RGL1: variants seen among roughly 807,000 people sequenced by gnomAD.
RGL1 encodes ral guanine nucleotide dissociation stimulator-like 1.
RGL1 carries 24 observed loss-of-function variants against 95.2 expected under a neutral mutation model. The observed-to-expected ratio is 0.25, with a 90% CI of 0.18 to 0.35. RGL1 has a LOEUF of 0.35. RGL1 is among the 10% of genes least tolerant of loss of function. The pLI, the probability that RGL1 is intolerant of heterozygous loss-of-function variation, is 1.00. For missense variants in RGL1, 715 were observed against 936.3 expected, an observed-to-expected ratio of 0.76 and a Z score of 3.08; for synonymous variants, 329 against 344.9, an observed-to-expected ratio of 0.95 and a Z score of 0.51.
chr1:183,807,280 C>A (rs1038503055), intron 2 of RGL1, among the ~76,000 whole-genome samples: 3 of 151,916 alleles, frequency 2.0e-5, no homozygotes, highest in Admixed American at 2.0e-4. Flanking sequence ...GTTCTCAGAC[C>A]AGGCGGTGAG....
At chr1:183,684,782 G>T (rs1392963171) in intron 1 of RGL1, among the ~76,000 whole-genome samples, 2 of 152,176 alleles carry the variant, frequency 1.3e-5, no homozygotes, top group Non-Finnish European at 2.9e-5. Flanking sequence ...GTAGTGTCTG[G>T]GCCAGAGTGC....
intron 1 of RGL1, chr1:183,652,922 G>A (rs997614200): frequency 6.6e-5 from 10 of 152,186 alleles, no homozygotes; most frequent in Non-Finnish European, 1.3e-4. Context: ...ACACCATAAG[G>A]ACAATCTGCT....
Position 183,922,317 on chromosome 1 carries a change from G to C in RGL1, c.2100G>C (p.Gln700His). The C allele has an allele frequency of 6.2e-7, 1 of 1,613,822 alleles. No individual in the cohort carries two copies. The highest frequency in any genetic ancestry group is 1.3e-5 in the African/African-American group (1 of 75,030). ...CCGCCGAGGAGTACGAGCTGGTGCA[G>C]GTCATCTCGGAGGACAAAGGTGGGC... ...SDPAEEYELV[Q>H]VISEDKELVI... Residue 700 changes from glutamine (Q) to histidine (H), a missense_variant, in exon 17 of 18, where the codon CAG becomes CAC. By Grantham distance (24) the Gln-to-His change is conservative. This residue lies in a region of RGL1 where 330 missense variants were observed against 429.6 expected (regional missense o/e 0.77). Coordinates refer to ENST00000360851, the MANE Select transcript of RGL1 (RefSeq NM_001297671.3).
At chr1:183,867,762 C>A (rs773769173) in intron 4 of RGL1, among the ~76,000 whole-genome samples, 1 of 151,860 alleles carries the variant, frequency 6.6e-6, no homozygotes, top group African/African-American at 2.4e-5. Flanking sequence ...GGAATGTGCA[C>A]CTGGGTGCCT....
intron 1 of RGL1, among the ~76,000 whole-genome samples, chr1:183,681,748 T>G (rs1022567737): frequency 6.6e-6 from 1 of 152,224 alleles, no homozygotes; most frequent in African/African-American, 2.4e-5. Context: ...TCAGACAGAA[T>G]GATACCACCT....
In RGL1 at chr1:183,857,330, T is replaced by G. The variant is rs183105292; in HGVS notation, c.348-8666T>G. ...AAGGAACATAGCCCTGACAACACCT[T>G]GATTTTAACCCATTGAGACCCTTGT... On this transcript the variant is annotated intron_variant, in intron 3 of 17. Coordinates refer to ENST00000360851, the MANE Select transcript of RGL1 (RefSeq NM_001297671.3). 5.3e-5 allele frequency among the ~76,000 whole-genome samples: 8 copies of G among 152,350 alleles called. No individual in the cohort carries two copies. In the East Asian group the frequency reaches 1.2e-3, roughly 22 times the overall value.
intron 2 of RGL1, among the ~76,000 whole-genome samples, chr1:183,835,973 G>A (rs145673301): frequency 6.6e-6 from 1 of 152,112 alleles, no homozygotes; most frequent in Non-Finnish European, 1.5e-5. Flanking sequence ...TGAAAGACAG[G>A]GCTGGTTTTA....
chr1:183,829,025 T>C (rs993877877), intron 2 of RGL1, among the ~76,000 whole-genome samples: 2 of 152,232 alleles, frequency 1.3e-5, no homozygotes, highest in African/African-American at 4.8e-5. Context: ...ACCATGGTTC[T>C]TAATCATCAA....
At chr1:183,911,355 G>A (rs1417516979) in intron 14 of RGL1, among the ~76,000 whole-genome samples, 3 of 152,108 alleles carry the variant, frequency 2.0e-5, no homozygotes, top group African/African-American at 4.8e-5. Context: ...TTTTAGTAAG[G>A]GTATAGCCCT....
chr1:183,730,854 A>G (rs900277396), intron 1 of RGL1, among the ~76,000 whole-genome samples: 5 of 152,142 alleles, frequency 3.3e-5, no homozygotes, highest in Non-Finnish European at 5.9e-5. Flanking sequence ...TAATTTCACT[A>G]TACTTCATCC....
chr1:183,889,132 A>G (rs572423177), intron 8 of RGL1, among the ~76,000 whole-genome samples: 92 of 152,272 alleles, frequency 6.0e-4, no homozygotes, highest in African/African-American at 2.1e-3. Context: ...TCTTGGTGCA[A>G]CCGTTGGAAT....
chr1:183,720,499 T>TG (rs756555478), intron 1 of RGL1, among the ~76,000 whole-genome samples: 9 of 152,238 alleles, frequency 5.9e-5, no homozygotes, highest in Non-Finnish European at 1.2e-4. Context: ...GCTGCCAATG[T>TG]GCAAAGACCT....
chr1:183,791,351 T>A (rs528416270), intron 2 of RGL1, among the ~76,000 whole-genome samples: 1 of 152,368 alleles, frequency 6.6e-6, no homozygotes, highest in East Asian at 1.9e-4. Context: ...TTTTGGTGTG[T>A]CTCTGTGTGA....
At chr1:183,831,189 G>T (rs1398605724) in intron 2 of RGL1, among the ~76,000 whole-genome samples, 1 of 152,174 alleles carries the variant, frequency 6.6e-6, no homozygotes, top group Non-Finnish European at 1.5e-5. Flanking sequence ...GCTCTAGGGG[G>T]TTTATCTGAG....
intron 9 of RGL1, among the ~76,000 whole-genome samples, chr1:183,892,502 A>G: frequency 6.6e-6 from 1 of 152,190 alleles, no homozygotes; most frequent in Non-Finnish European, 1.5e-5. Context: ...ATTCCTTCTC[A>G]GCAAAACATC....
At chr1:183,695,879 A>G (rs1020973389) in intron 1 of RGL1, among the ~76,000 whole-genome samples, 1 of 152,078 alleles carries the variant, frequency 6.6e-6, no homozygotes, top group Non-Finnish European at 1.5e-5. Context: ...GTTGTCCCCC[A>G]CTGAAAAAAA....
chr1:183,912,184 C>T lies in RGL1; in HGVS notation c.1665C>T (p.Ser555=), dbSNP rs200231274. The change falls in exon 15 of 18, where the codon AGC becomes AGT. Residue 555 remains serine (S), a synonymous_variant. Coordinates refer to ENST00000360851, the MANE Select transcript of RGL1 (RefSeq NM_001297671.3). ...CTGGTGAAAGCATGGACTCTGTCAG[C>T]GTGTCATCCTGCGAGTCGAACCACT... is the stretch of plus-strand genomic sequence containing the variant. ...GSSGESMDSV[S]VSSCESNHSE... The T allele has an allele frequency of 2.2e-4, 360 of 1,614,060 alleles. No homozygotes were observed. The highest frequency in any genetic ancestry group is 1.7e-3 in the Middle Eastern group (10 of 6,058).
In RGL1 at chr1:183,806,424, A is replaced by G; in HGVS notation, c.77A>G (p.His26Arg). 2 of 1,614,086 alleles carry G rather than the reference A, an allele frequency of 1.2e-6. No individual in the cohort carries two copies. Among genetic ancestry groups the G allele is most frequent in the East Asian group, 2.2e-5 (1 of 44,878 alleles). ...GEEVEEGAVY[H>R]VTLKRVQIQQ... is the part of the protein sequence containing the mutation. ...GAGGTAGAGGAAGGAGCTGTTTACCATGTCACCCTCAAAAGAGTCCAGATT... is the reference window on the plus strand; with the variant it reads ...GAGGTAGAGGAAGGAGCTGTTTACCGTGTCACCCTCAAAAGAGTCCAGATT... The change falls in exon 2 of 18, where the codon CAT becomes CGT. Residue 26 changes from histidine (H) to arginine (R), a missense_variant. His to Arg is a conservative substitution (Grantham distance 29). Coordinates refer to ENST00000360851, the MANE Select transcript of RGL1 (RefSeq NM_001297671.3).
intron 1 of RGL1, chr1:183,742,046 A>C (rs1657340311): frequency 8.6e-7 from 1 of 1,163,056 alleles, no homozygotes; most frequent in Non-Finnish European, 1.2e-6. Context: ...GTCAGAAGTC[A>C]AGCATGATAA....
Sources: gnomAD v4.1 joint callset for allele counts (sites outside exome capture counted in the v4.1 genomes callset) on GRCh38, gnomAD v4.1.1 for gene constraint, gnomAD v4.1.1 regional missense constraint, MANE v1.5 for transcripts, NCBI Gene and HGNC (gene_info 2026-07-23, HGNC 2026-07-21) for gene names.